C8orf34: variants seen among roughly 807,000 people sequenced by gnomAD.
C8orf34 encodes chromosome 8 open reading frame 34.
C8orf34 carries 65 observed loss-of-function variants against 68.3 expected under a neutral mutation model. The ratio of observed to expected loss-of-function variants is 0.95; its 90% CI spans 0.78 to 1.17. C8orf34 has a LOEUF of 1.17. C8orf34 is among the 50% of genes most tolerant of loss of function. The pLI is 0.00. For missense variants in C8orf34, 664 were observed against 655.4 expected (o/e 1.01, Z -0.14); for synonymous variants, 244 against 241.2 (o/e 1.01, Z -0.11).
Position 68,818,238 on chromosome 8 carries a change from G to A in C8orf34, c.1610-1G>A. 1.9e-6 allele frequency: 3 copies of A among 1,612,446 alleles called. No individual in the cohort carries two copies. The highest frequency in any genetic ancestry group is 2.5e-6 in the Non-Finnish European group (3 of 1,179,184). On this transcript the variant is annotated splice_acceptor_variant, in intron 13 of 13. Coordinates refer to ENST00000518698, the MANE Select transcript of C8orf34 (RefSeq NM_052958.4). LOFTEE classifies it high-confidence loss of function. ...TCTTCTGTTTCATTTCTCCTCTGCA[G>A]GTTTGTGAAACAGAGAGAAGAAGTT...
intron 10 of C8orf34, among the ~76,000 whole-genome samples, chr8:68,738,926 C>T (rs1198614284): frequency 1.3e-5 from 2 of 152,206 alleles, no homozygotes; most frequent in East Asian, 3.9e-4. Context: ...TCCTCCCTAA[C>T]ATTCTATGAG....
At chr8:68,369,299 C>A (rs1425042224) in intron 1 of C8orf34, among the ~76,000 whole-genome samples, 1 of 152,186 alleles carries the variant, frequency 6.6e-6, no homozygotes, top group African/African-American at 2.4e-5. Flanking sequence ...AAGTGGACAA[C>A]CAAATATGCT....
At chr8:68,728,694 C>T (rs1425949555) in intron 10 of C8orf34, among the ~76,000 whole-genome samples, 1 of 152,116 alleles carries the variant, frequency 6.6e-6, no homozygotes, top group East Asian at 1.9e-4. Context: ...TGGGAAAGAC[C>T]AGCCCCCATG....
chr8:68,676,480 A>C (rs577537565), intron 8 of C8orf34, among the ~76,000 whole-genome samples: 156 of 152,324 alleles, frequency 1.0e-3, no homozygotes, highest in African/African-American at 3.6e-3. Flanking sequence ...ATTCAGACAG[A>C]AAATCAACAA....
chr8:68,439,703 A>G, intron 2 of C8orf34, 57 bp downstream of exon 2: 1 of 1,537,162 alleles, frequency 6.5e-7, no homozygotes, highest in South Asian at 1.2e-5. Context: ...CAAAATTTCA[A>G]AACTCTTTTT....
chr8:68,364,945 A>G (rs1168223491), intron 1 of C8orf34, among the ~76,000 whole-genome samples: 3 of 151,514 alleles, frequency 2.0e-5, no homozygotes, highest in African/African-American at 4.8e-5. Flanking sequence ...CAAAAAATCA[A>G]TGAATCCAGG....
chr8:68,714,554 A>C (rs1395756523), intron 9 of C8orf34, among the ~76,000 whole-genome samples: 1 of 152,180 alleles, frequency 6.6e-6, no homozygotes, highest in Non-Finnish European at 1.5e-5. Context: ...ATACTTAGGA[A>C]TATAACTAAA....
intron 8 of C8orf34, among the ~76,000 whole-genome samples, chr8:68,653,555 G>A (rs1819424660): frequency 6.6e-6 from 1 of 152,148 alleles, no homozygotes. Flanking sequence ...AGCTCTAGAG[G>A]CTGGAAGTCT....
intron 1 of C8orf34, among the ~76,000 whole-genome samples, chr8:68,405,407 G>A (rs1809150886): frequency 6.6e-6 from 1 of 152,124 alleles, no homozygotes; most frequent in Non-Finnish European, 1.5e-5. Flanking sequence ...ATCTCCCTAG[G>A]ATATTGTAAT....
At chr8:68,435,346 G>C (rs548930441) in intron 1 of C8orf34, among the ~76,000 whole-genome samples, 1 of 152,122 alleles carries the variant, frequency 6.6e-6, no homozygotes, top group Non-Finnish European at 1.5e-5. Context: ...ATTAAAAATG[G>C]GTTTATGATA....
At chr8:68,376,847 C>T (rs1412356328) in intron 1 of C8orf34, among the ~76,000 whole-genome samples, 1 of 152,062 alleles carries the variant, frequency 6.6e-6, no homozygotes, top group East Asian at 1.9e-4. Flanking sequence ...ACATTTTATA[C>T]AGAGTCCTCT....
intron 7 of C8orf34, among the ~76,000 whole-genome samples, chr8:68,585,309 A>G (rs1165080739): frequency 1.4e-5 from 2 of 142,426 alleles, no homozygotes; most frequent in Non-Finnish European, 3.2e-5. Context: ...ACCAAAAACC[A>G]AAAAAAAGCT....
At chr8:68,783,309 G>T (rs1363542386) in intron 11 of C8orf34, among the ~76,000 whole-genome samples, 1 of 151,984 alleles carries the variant, frequency 6.6e-6, no homozygotes, top group Non-Finnish European at 1.5e-5. Flanking sequence ...CACGAGGTCA[G>T]GAGATCGAGA....
intron 9 of C8orf34, among the ~76,000 whole-genome samples, chr8:68,712,237 A>G (rs980203467): frequency 2.5e-4 from 38 of 152,316 alleles, no homozygotes; most frequent in African/African-American, 8.7e-4. Context: ...GAACCTCCTT[A>G]AAGCATAAAT....
At chr8:68,459,798 G>A (rs1280986474) in intron 3 of C8orf34, among the ~76,000 whole-genome samples, 1 of 152,154 alleles carries the variant, frequency 6.6e-6, no homozygotes, top group African/African-American at 2.4e-5. Flanking sequence ...AAAACTTGGT[G>A]CAGGGTGAGA....
At chr8:68,694,904 T>G (rs575779424) in intron 8 of C8orf34, among the ~76,000 whole-genome samples, 1 of 152,136 alleles carries the variant, frequency 6.6e-6, no homozygotes, top group Non-Finnish European at 1.5e-5. Flanking sequence ...TTTATTTATT[T>G]TATTTGTTAT....
chr8:68,334,865 A>C (rs1272966933), intron 1 of C8orf34, among the ~76,000 whole-genome samples: 1 of 152,214 alleles, frequency 6.6e-6, no homozygotes, highest in Admixed American at 6.5e-5. Context: ...CAAAGCCTGC[A>C]TCACTTATAT....
At chr8:68,580,863 A>G (rs1345536840) in intron 7 of C8orf34, among the ~76,000 whole-genome samples, 1 of 152,154 alleles carries the variant, frequency 6.6e-6, no homozygotes, top group Non-Finnish European at 1.5e-5. Context: ...GAGATCAGAA[A>G]GGAAATCTTT....
At chr8:68,442,024 A>G (rs1214281212) in intron 2 of C8orf34, among the ~76,000 whole-genome samples, 1 of 152,212 alleles carries the variant, frequency 6.6e-6, no homozygotes, top group Non-Finnish European at 1.5e-5. Flanking sequence ...GTTACCTTCA[A>G]TATCATACAG....
Sources: gnomAD v4.1 joint callset for allele counts (sites outside exome capture counted in the v4.1 genomes callset) on GRCh38, gnomAD v4.1.1 for gene constraint, MANE v1.5 for transcripts, NCBI Gene and HGNC (gene_info 2026-07-23, HGNC 2026-07-21) for gene names.